PTPRN2: variants seen among roughly 807,000 people sequenced by gnomAD.
PTPRN2 encodes the protein protein tyrosine phosphatase receptor type N2.
A neutral mutation model predicts 118.8 loss-of-function variants in PTPRN2; 74 were observed. The ratio of observed to expected loss-of-function variants is 0.62; its 90% CI spans 0.52 to 0.76. PTPRN2 has a LOEUF of 0.76. Among genes scored for constraint, PTPRN2 ranks in the 30% least tolerant of loss-of-function variants. PTPRN2 has a pLI of 0.00. For missense variants in PTPRN2, 1,481 were observed against 1,394.4 expected (o/e 1.06, Z -0.99); for synonymous variants, 641 against 608.0 (o/e 1.05, Z -0.80).
intron 2 of PTPRN2, among the ~76,000 whole-genome samples, chr7:158,421,281 A>G (rs1327819407): frequency 6.6e-6 from 1 of 152,224 alleles, no homozygotes. Flanking sequence ...GCCTGTGGAT[A>G]TTAGTGACAC....
chr7:157,607,488 G>A (rs574485337), intron 15 of PTPRN2, among the ~76,000 whole-genome samples: 169 of 152,378 alleles, frequency 1.1e-3, no homozygotes, highest in African/African-American at 3.9e-3. Flanking sequence ...ATTACCAAGA[G>A]CAGGGTCAGG....
At chr7:158,212,454 T>C (rs1178612164) in intron 3 of PTPRN2, among the ~76,000 whole-genome samples, 3 of 152,190 alleles carry the variant, frequency 2.0e-5, no homozygotes, top group Admixed American at 1.3e-4. Context: ...CCTGACGTGA[T>C]TATTATGCAT....
At chr7:158,300,522 C>T (rs1235811198) in intron 3 of PTPRN2, among the ~76,000 whole-genome samples, 1 of 152,162 alleles carries the variant, frequency 6.6e-6, no homozygotes, top group Non-Finnish European at 1.5e-5. Context: ...GGTGCGCGCA[C>T]CTGCAGAGAA....
chr7:157,848,181 G>A (rs1307461308), intron 12 of PTPRN2, among the ~76,000 whole-genome samples: 3 of 147,664 alleles, frequency 2.0e-5, no homozygotes, highest in Admixed American at 6.7e-5. Flanking sequence ...TGTGCCTGAT[G>A]TTTACAGAGC....
At chr7:157,887,656 TCCCCCAGTACCCACTTC>T (rs1563209937) in intron 12 of PTPRN2, among the ~76,000 whole-genome samples, 32 of 10,736 alleles carry the variant, frequency 3.0e-3, no homozygotes, top group Admixed American at 5.9e-3. Context: ...CAGTACCCAC[TCCCCCAGTACCCACTTC>T]CCCCAGTACC....
chr7:157,660,431 TTATTG>T (rs1411450239), intron 13 of PTPRN2, among the ~76,000 whole-genome samples: 8 of 152,034 alleles, frequency 5.3e-5, no homozygotes, highest in African/African-American at 1.9e-4. Flanking sequence ...ACTTCCGTTT[TTATTG>T]TATTTATTTT....
intron 15 of PTPRN2, among the ~76,000 whole-genome samples, chr7:157,614,794 A>T (rs376670021): frequency 1.5e-4 from 23 of 152,220 alleles, no homozygotes; most frequent in African/African-American, 4.8e-4. Flanking sequence ...AGTTACAGAC[A>T]GCACCTGCAA....
chr7:157,656,234 G>T, intron 14 of PTPRN2, 123 bp downstream of exon 14: 1 of 982,344 alleles, frequency 1.0e-6, no homozygotes, highest in Non-Finnish European at 1.5e-6. Context: ...TCTGCAGCGG[G>T]CAGGGTGCAG....
intron 2 of PTPRN2, among the ~76,000 whole-genome samples, chr7:158,463,004 C>CCACAAGCTATTGGAGCTTGAGTCTTAAA (rs1819114616): frequency 2.0e-5 from 3 of 151,676 alleles, no homozygotes; most frequent in African/African-American, 7.3e-5. Flanking sequence ...GATTTGAACT[C>CCACAAGCTATTGGAGCTTGAGTCTTAAA]AGATCATTAG....
intron 3 of PTPRN2, among the ~76,000 whole-genome samples, chr7:158,244,525 GGT>G (rs1161489074): frequency 6.8e-6 from 1 of 147,088 alleles, no homozygotes; most frequent in Non-Finnish European, 1.5e-5. Context: ...TGTGTGTGAG[GGT>G]GTGTGTGAAT....
intron 16 of PTPRN2, among the ~76,000 whole-genome samples, chr7:157,599,793 T>C (rs1801555921): frequency 6.6e-6 from 1 of 152,148 alleles, no homozygotes; most frequent in Non-Finnish European, 1.5e-5. Flanking sequence ...CTCTGAAATC[T>C]TGCACAGAGA....
chr7:158,454,706 T>C lies in PTPRN2; in HGVS notation c.163+35029A>G, dbSNP rs143142318. ...TCACTGATGTCAGGATTGGGGATGG[T>C]TGCTATAGACAAAGAAGAGATGAAG... On this transcript the variant is annotated intron_variant, in intron 2 of 22. Transcript: ENST00000389418. Among the ~76,000 whole-genome samples, 55 of 152,224 alleles carry C rather than the reference T, an allele frequency of 3.6e-4. No homozygotes were observed. The East Asian group carries it at 9.1e-3, about 25-fold the overall frequency.
At chr7:158,317,376 C>T (rs1304427982) in intron 2 of PTPRN2, among the ~76,000 whole-genome samples, 3 of 152,222 alleles carry the variant, frequency 2.0e-5, no homozygotes, top group Non-Finnish European at 4.4e-5. Flanking sequence ...TCGGCGGAGA[C>T]GCCTCTCCCT....
chr7:158,316,965 G>A, intron 2 of PTPRN2, 33 bp from the exon 3 acceptor site: 2 of 1,522,614 alleles, frequency 1.3e-6, no homozygotes, highest in Non-Finnish European at 1.8e-6. Context: ...GACAGAACGA[G>A]ACGTTTCATT....
At position 157,986,949 on chromosome 7, in the gene PTPRN2, G is replaced by A. The variant is rs898156324; in HGVS notation, c.1724-88212C>T. Among the ~76,000 whole-genome samples, 5 of 152,160 alleles carry A rather than the reference G, an allele frequency of 3.3e-5. No homozygotes were observed. Among genetic ancestry groups the A allele is most frequent in the Non-Finnish European group, 7.4e-5 (5 of 68,022 alleles). On this transcript the variant is annotated intron_variant, in intron 11 of 22. Coordinates refer to ENST00000389418, the MANE Select transcript of PTPRN2 (RefSeq NM_002847.5). This position sits in a 1 kb window ranked among gnomAD's most constrained non-coding sequence, Gnocchi z 4.5. ...TTGCACGGTATCAGCTATAGCCGCAGTGAGAGGGAGGCTGCTGGACACGCT... is the reference window on the plus strand; with the variant it reads ...TTGCACGGTATCAGCTATAGCCGCAATGAGAGGGAGGCTGCTGGACACGCT...
chr7:158,234,983 C>T lies in PTPRN2; in HGVS notation c.278-29710G>A, dbSNP rs1399047227. Among the ~76,000 whole-genome samples, 5 of 152,076 alleles carry T rather than the reference C, an allele frequency of 3.3e-5. No homozygotes were observed. In the East Asian group the frequency reaches 5.8e-4, roughly 18 times the overall value. On this transcript the variant is annotated intron_variant, in intron 3 of 22. Coordinates refer to ENST00000389418, the MANE Select transcript of PTPRN2 (RefSeq NM_002847.5). ...TTCACCATGTTGGCCAGGCTGGTCT[C>T]GATCTCCTGACCTCATGATCTGCCT...
At chr7:158,128,958 C>G (rs1817924114) in intron 9 of PTPRN2, among the ~76,000 whole-genome samples, 1 of 150,840 alleles carries the variant, frequency 6.6e-6, no homozygotes, top group South Asian at 2.1e-4. Flanking sequence ...CACACACACA[C>G]ACACACAACA....
intron 14 of PTPRN2, among the ~76,000 whole-genome samples, chr7:157,653,636 G>A (rs1805824621): frequency 6.6e-6 from 1 of 152,102 alleles, no homozygotes; most frequent in Admixed American, 6.5e-5. Flanking sequence ...TCCTGTACCA[G>A]GGACATGCCC....
rs1331855579 is a variant in PTPRN2 at position 157,986,393 on chromosome 7, A to G, written c.1724-87656T>C. 6.6e-6 allele frequency among the ~76,000 whole-genome samples: 1 copy of G among 152,182 alleles called. No homozygotes were observed. Among genetic ancestry groups the G allele is most frequent in the Non-Finnish European group, 1.5e-5 (1 of 68,018 alleles). Reference sequence around the variant, plus strand: ...CAATTGCTTCCTTGTAGACACGCAGAAACTGACGCCCAGAGAGGCAGGGCA... The same window carrying G: ...CAATTGCTTCCTTGTAGACACGCAGGAACTGACGCCCAGAGAGGCAGGGCA... On this transcript the variant is annotated intron_variant, in intron 11 of 22. Transcript: ENST00000389418. This position sits in a 1 kb window ranked among gnomAD's most constrained non-coding sequence, Gnocchi z 4.5.
Sources: gnomAD v4.1 joint callset for allele counts (sites outside exome capture counted in the v4.1 genomes callset) on GRCh38, gnomAD v4.1.1 for gene constraint, Gnocchi (gnomAD v3.1) non-coding constraint, MANE v1.5 for transcripts, NCBI Gene and HGNC (gene_info 2026-07-23, HGNC 2026-07-21) for gene names.